ULK4: variants seen among roughly 807,000 people sequenced by gnomAD.
ULK4 encodes the protein unc-51 like kinase 4.
ULK4 carries 133 observed loss-of-function variants against 160.6 expected under a neutral mutation model. The observed-to-expected ratio is 0.83, with a 90% CI of 0.72 to 0.96. ULK4 has a LOEUF of 0.96. ULK4 is among the 40% of genes least tolerant of loss of function. The probability of loss-of-function intolerance (pLI) is 0.00; values close to 1 mark genes in which losing one functional copy is unlikely to be tolerated. For synonymous variants in ULK4, 534 were observed against 539.8 expected (o/e 0.99, Z 0.15); for missense variants, 1,580 against 1,499.5 (o/e 1.05, Z -0.89).
At position 41,435,085 on chromosome 3, in the gene ULK4, T is replaced by C. The variant is rs76571576; in HGVS notation, c.3492+20412A>G. On this transcript the variant is annotated intron_variant, in intron 34 of 36. Coordinates refer to ENST00000301831, the MANE Select transcript of ULK4 (RefSeq NM_017886.4). The stretch of plus-strand genomic sequence containing the variant: ...TGAGCTGAACCATAATTATAAAAAG[T>C]TATGAGTTGAAAAATTTATCCTTCA... Among the ~76,000 whole-genome samples the C allele has an allele frequency of 2.9e-3, 439 of 152,302 alleles. 3 individuals carry two copies. The highest frequency in any genetic ancestry group is 4.7e-3 in the Non-Finnish European group (320 of 68,014).
chr3:41,646,746 C>T (rs1260097606), intron 30 of ULK4, among the ~76,000 whole-genome samples: 1 of 152,132 alleles, frequency 6.6e-6, no homozygotes, highest in Non-Finnish European at 1.5e-5. Flanking sequence ...GCCTGCCTTG[C>T]TAGATTAGGG....
chr3:41,484,819 T>C (rs1231455954), intron 32 of ULK4, among the ~76,000 whole-genome samples: 2 of 152,222 alleles, frequency 1.3e-5, no homozygotes, highest in Admixed American at 6.5e-5. Flanking sequence ...ACGTGATATC[T>C]GAGGTTTCTT....
intron 30 of ULK4, among the ~76,000 whole-genome samples, chr3:41,649,170 C>T (rs1393050960): frequency 6.6e-6 from 1 of 151,898 alleles, no homozygotes; most frequent in Non-Finnish European, 1.5e-5. Flanking sequence ...TCCTTCACAA[C>T]TACTCAACTT....
intron 30 of ULK4, among the ~76,000 whole-genome samples, chr3:41,618,575 G>C (rs1460551684): frequency 6.6e-6 from 1 of 152,174 alleles, no homozygotes; most frequent in African/African-American, 2.4e-5. Flanking sequence ...AGCAAATGCT[G>C]AGGGATTTTG....
chr3:41,928,428 G>A (rs140468543), intron 5 of ULK4, among the ~76,000 whole-genome samples: 2,672 of 151,314 alleles, frequency 0.018, 37 homozygotes, highest in Non-Finnish European at 0.029. Context: ...CCCTAACATC[G>A]CAATTAAAAG....
At chr3:41,623,592 TAAGTC>T (rs1391314924) in intron 30 of ULK4, among the ~76,000 whole-genome samples, 5 of 152,076 alleles carry the variant, frequency 3.3e-5, no homozygotes, top group African/African-American at 1.2e-4. Context: ...CTAAGTGAAA[TAAGTC>T]AAGCACAGAA....
At chr3:41,535,780 G>C (rs1014156677) in intron 32 of ULK4, among the ~76,000 whole-genome samples, 1 of 152,146 alleles carries the variant, frequency 6.6e-6, no homozygotes, top group Non-Finnish European at 1.5e-5. Flanking sequence ...TTTCTATAGA[G>C]TGGACTCAGA....
chr3:41,695,145 G>A (rs1237767717), intron 27 of ULK4, among the ~76,000 whole-genome samples: 1 of 152,194 alleles, frequency 6.6e-6, no homozygotes, highest in South Asian at 2.1e-4. Flanking sequence ...TCTTTTAAAG[G>A]ACACTAATTC....
chr3:41,720,426 A>T (rs956230864), intron 22 of ULK4, among the ~76,000 whole-genome samples: 2 of 78,638 alleles, frequency 2.5e-5, no homozygotes, highest in African/African-American at 3.8e-4. Context: ...CTAAAAAAAT[A>T]AAAAACTTCC....
intron 19 of ULK4, among the ~76,000 whole-genome samples, chr3:41,808,875 C>T (rs2040732672): frequency 6.6e-6 from 1 of 152,158 alleles, no homozygotes; most frequent in Admixed American, 6.6e-5. Flanking sequence ...GACTTAAGAA[C>T]TTGGTGCTGC....
chr3:41,594,957 G>A (rs775908337), intron 31 of ULK4, among the ~76,000 whole-genome samples: 1 of 152,116 alleles, frequency 6.6e-6, no homozygotes, highest in Non-Finnish European at 1.5e-5. Flanking sequence ...ATATGGCTAG[G>A]GAGAGATATA....
intron 29 of ULK4, among the ~76,000 whole-genome samples, chr3:41,664,946 CTA>C (rs1336357283): frequency 1.3e-5 from 2 of 152,152 alleles, no homozygotes; most frequent in Non-Finnish European, 1.5e-5. Flanking sequence ...GGTTTATGTA[CTA>C]TGTCTTACCT....
At chr3:41,467,576 C>G (rs1282782690) in intron 32 of ULK4, among the ~76,000 whole-genome samples, 1 of 152,078 alleles carries the variant, frequency 6.6e-6, no homozygotes, top group Non-Finnish European at 1.5e-5. Flanking sequence ...TGTCCATCAA[C>G]AGGAGACTAA....
At chr3:41,402,122 G>A (rs2082193545) in intron 34 of ULK4, among the ~76,000 whole-genome samples, 1 of 152,048 alleles carries the variant, frequency 6.6e-6, no homozygotes, top group Admixed American at 6.6e-5. Context: ...AAATAAAATT[G>A]ATTTTTTACT....
intron 27 of ULK4, among the ~76,000 whole-genome samples, chr3:41,687,052 C>T (rs1575570008): frequency 6.6e-6 from 1 of 152,126 alleles, no homozygotes; most frequent in South Asian, 2.1e-4. Flanking sequence ...CACTGCACTC[C>T]AGCCTGGGCG....
At chr3:41,598,690 C>A (rs999667398) in intron 31 of ULK4, among the ~76,000 whole-genome samples, 4 of 151,898 alleles carry the variant, frequency 2.6e-5, no homozygotes, top group African/African-American at 9.7e-5. Flanking sequence ...CACACACACA[C>A]GAGTTCACAT....
In ULK4 at chr3:41,800,177, T is replaced by C. The variant is rs1195155986; in HGVS notation, c.1965A>G (p.Leu655=). ...TGEIGPILWY[L]FRHSTADSLR... Reference sequence around the variant, plus strand: ...GAGAATCAGCAGTGGAGTGTCTGAATAGGTACCACAAAATGGGTCCTATTT... The same window carrying C: ...GAGAATCAGCAGTGGAGTGTCTGAACAGGTACCACAAAATGGGTCCTATTT... Residue 655 remains leucine, a synonymous_variant, in exon 20 of 37, where the codon CTA becomes CTG. Coordinates refer to ENST00000301831, the MANE Select transcript of ULK4 (RefSeq NM_017886.4). 1 of 1,613,852 alleles carries C rather than the reference T, an allele frequency of 6.2e-7. No individual in the cohort carries two copies. Among genetic ancestry groups the C allele is most frequent in the Admixed American group, 1.7e-5 (1 of 59,948 alleles).
chr3:41,876,867 G>C (rs921311310), intron 17 of ULK4, among the ~76,000 whole-genome samples: 1 of 152,170 alleles, frequency 6.6e-6, no homozygotes, highest in African/African-American at 2.4e-5. Flanking sequence ...AGAGAACAGT[G>C]ATCAGGAGAG....
chr3:41,747,740 C>T (rs918208640), intron 22 of ULK4, among the ~76,000 whole-genome samples: 9 of 152,044 alleles, frequency 5.9e-5, no homozygotes. Flanking sequence ...CATGAGTGCA[C>T]ACACACAAAG....
Sources: gnomAD v4.1 joint callset for allele counts (sites outside exome capture counted in the v4.1 genomes callset) on GRCh38, gnomAD v4.1.1 for gene constraint, MANE v1.5 for transcripts, NCBI Gene and HGNC (gene_info 2026-07-23, HGNC 2026-07-21) for gene names.